The following SORCS1 variants were observed in gnomAD, a reference collection of about 807,000 sequenced individuals.
The protein encoded by SORCS1 is sortilin related VPS10 domain containing receptor 1.
In SORCS1, 60 loss-of-function variants were observed where a neutral mutation model predicts 146.1. The ratio of observed to expected loss-of-function variants is 0.41; its 90% CI spans 0.33 to 0.51. The LOEUF (loss-of-function observed/expected upper bound fraction) is 0.51. Ranked by LOEUF, SORCS1 falls within the 20% of genes least tolerant of loss-of-function variation. The probability of loss-of-function intolerance (pLI) is 0.21; values close to 1 mark genes in which losing one functional copy is unlikely to be tolerated. For missense variants in SORCS1, 1,352 were observed against 1,487.6 expected, an observed-to-expected ratio of 0.91 and a Z score of 1.50; for synonymous variants, 637 against 584.0, an observed-to-expected ratio of 1.09 and a Z score of -1.31.
At chr10:107,119,182 G>C (rs1327108019) in intron 1 of SORCS1, among the ~76,000 whole-genome samples, 1 of 152,198 alleles carries the variant, frequency 6.6e-6, no homozygotes, top group African/African-American at 2.4e-5. Context: ...AAATTTCACT[G>C]CAGATTTTGA....
Position 106,577,069 on chromosome 10 carries a change from A to G in SORCS1, c.*351T>C, listed in dbSNP as rs781104978. ...TGTTCTCAGAGTATTGTCCACATGC[A>G]CAGGCTTAAAGCTAAAAACCCTTGT... On this transcript the variant is annotated 3_prime_UTR_variant, in exon 26 of 26. Transcript: ENST00000263054. 1 of 539,738 alleles carries G rather than the reference A, an allele frequency of 1.9e-6. No individual in the cohort carries two copies. The highest frequency in any genetic ancestry group is 2.9e-6 in the Non-Finnish European group (1 of 344,992). 33.4% of individuals were successfully genotyped at this position (539,738 alleles called of 1,614,324 possible). A position where few individuals can be genotyped will look rare whatever the true frequency, so the allele number is the denominator to read the frequency against.
intron 1 of SORCS1, among the ~76,000 whole-genome samples, chr10:107,074,203 C>T (rs926003905): frequency 6.6e-6 from 1 of 152,196 alleles, no homozygotes; most frequent in Admixed American, 6.5e-5. Context: ...TCATCTCCTG[C>T]ACTCCCCCAA....
intron 4 of SORCS1, among the ~76,000 whole-genome samples, chr10:106,767,310 AG>A (rs1859645149): frequency 6.6e-6 from 1 of 152,066 alleles, no homozygotes; most frequent in Non-Finnish European, 1.5e-5. Flanking sequence ...CCTACAGTTG[AG>A]GGTGGTACTC....
chr10:107,006,373 A>G lies in SORCS1; in HGVS notation c.559-49793T>C, dbSNP rs537309238. Among the ~76,000 whole-genome samples the G allele has an allele frequency of 3.3e-5, 5 of 152,344 alleles. No homozygotes were observed. The East Asian group carries it at 9.6e-4, about 29-fold the overall frequency. On this transcript the variant is annotated intron_variant, in intron 1 of 25. Transcript: ENST00000263054. The stretch of plus-strand genomic sequence containing the variant: ...AAAACAGGTGTATTAAATCAGAGCA[A>G]CAAGAGAATAAATAGATGGCACAGG...
chr10:106,801,641 T>C (rs1015708047), intron 3 of SORCS1, among the ~76,000 whole-genome samples: 2 of 151,068 alleles, frequency 1.3e-5, no homozygotes, highest in Admixed American at 6.6e-5. Flanking sequence ...GCCATTCTCC[T>C]GCCTCAGCCT....
chr10:106,788,327 C>T (rs1418439638), intron 3 of SORCS1, among the ~76,000 whole-genome samples: 1 of 152,178 alleles, frequency 6.6e-6, no homozygotes, highest in Non-Finnish European at 1.5e-5. Context: ...TATTTAATAA[C>T]CAATTATGCC....
chr10:107,099,712 A>G (rs561023313), intron 1 of SORCS1, among the ~76,000 whole-genome samples: 2 of 152,332 alleles, frequency 1.3e-5, no homozygotes, highest in African/African-American at 4.8e-5. Flanking sequence ...GGTTAAACTA[A>G]TACAACCATA....
chr10:106,731,779 C>A (rs1275458417), intron 5 of SORCS1, among the ~76,000 whole-genome samples: 1 of 152,056 alleles, frequency 6.6e-6, no homozygotes, highest in African/African-American at 2.4e-5. Flanking sequence ...ACTGGAAGGT[C>A]TTCTCTTTAC....
chr10:106,850,976 C>G (rs2137277775), intron 2 of SORCS1, among the ~76,000 whole-genome samples: 1 of 152,296 alleles, frequency 6.6e-6, no homozygotes. Flanking sequence ...TCCTGTCCCT[C>G]ATCTCTCACA....
chr10:106,916,227 C>G (rs1287448353), intron 2 of SORCS1, among the ~76,000 whole-genome samples: 2 of 152,050 alleles, frequency 1.3e-5, no homozygotes, highest in Non-Finnish European at 2.9e-5. Flanking sequence ...TGTAAACATT[C>G]TGAGAGCTGA....
chr10:106,961,789 AC>A (rs1451973317), intron 1 of SORCS1, among the ~76,000 whole-genome samples: 7 of 152,114 alleles, frequency 4.6e-5, no homozygotes, highest in African/African-American at 1.7e-4. Flanking sequence ...TGAATAGCCC[AC>A]CCCATAATTT....
chr10:107,174,366 C>T, the SORCS1 span, among the ~76,000 whole-genome samples: 3 of 152,142 alleles, frequency 2.0e-5, no homozygotes, highest in Non-Finnish European at 4.4e-5. Context: ...CCACCATTCC[C>T]GGCTAATTTT....
Position 106,781,244 on chromosome 10 carries a change from G to A in SORCS1, c.727-4552C>T, listed in dbSNP as rs149077250. On this transcript the variant is annotated intron_variant, in intron 3 of 25. Transcript: ENST00000263054. ...TCCACCATTTATTGGTTTATGTGGC[G>A]TGGAGTTAATAAAAAGTTCTTCACC... 1.8e-3 allele frequency among the ~76,000 whole-genome samples: 274 copies of A among 152,196 alleles called. No individual in the cohort carries two copies. The Middle Eastern group carries it at 0.02, about 11-fold the overall frequency.
intron 1 of SORCS1, among the ~76,000 whole-genome samples, chr10:107,037,569 T>C (rs953036973): frequency 2.0e-5 from 3 of 152,276 alleles, no homozygotes; most frequent in Admixed American, 6.5e-5. Flanking sequence ...ATCTTTCTCA[T>C]ATAAAATCAG....
intron 17 of SORCS1, among the ~76,000 whole-genome samples, chr10:106,655,859 T>G (rs572114216): frequency 2.0e-5 from 3 of 152,156 alleles, no homozygotes; most frequent in Non-Finnish European, 4.4e-5. Flanking sequence ...CCAGCAGCTG[T>G]CCCTGGGTCT....
upstream of SORCS1, among the ~76,000 whole-genome samples, chr10:107,165,980 G>A (rs1373825495): frequency 6.6e-6 from 1 of 152,176 alleles, no homozygotes; most frequent in Non-Finnish European, 1.5e-5. The surrounding 1 kb of genome is among the most constrained non-coding windows in gnomAD (Gnocchi z 4.0). Context: ...AGGTGAATGG[G>A]CTTTGAAAAC....
chr10:107,176,170 T>C, the SORCS1 span, among the ~76,000 whole-genome samples: 2 of 152,148 alleles, frequency 1.3e-5, no homozygotes, highest in Non-Finnish European at 2.9e-5. Flanking sequence ...GTTATTTCTT[T>C]TTTGATTCAT....
At chr10:106,625,243 T>C (rs1438587553) in intron 19 of SORCS1, among the ~76,000 whole-genome samples, 2 of 136,720 alleles carry the variant, frequency 1.5e-5, no homozygotes, top group African/African-American at 6.0e-5. Flanking sequence ...TGTGTGTGTG[T>C]GTGTACACTG....
chr10:106,716,207 A>G (rs1855361290), intron 6 of SORCS1, among the ~76,000 whole-genome samples: 1 of 152,208 alleles, frequency 6.6e-6, no homozygotes, highest in African/African-American at 2.4e-5. Context: ...AAGTAGGGCT[A>G]CAAGGAGAAT....
Sources: gnomAD v4.1 joint callset for allele counts (sites outside exome capture counted in the v4.1 genomes callset) on GRCh38, gnomAD v4.1.1 for gene constraint, Gnocchi (gnomAD v3.1) non-coding constraint, MANE v1.5 for transcripts, NCBI Gene and HGNC (gene_info 2026-07-23, HGNC 2026-07-21) for gene names.